RNLS: variants seen among roughly 807,000 people sequenced by gnomAD.
The protein encoded by RNLS is renalase.
A neutral mutation model predicts 39.8 loss-of-function variants in RNLS; 39 were observed. The ratio of observed to expected loss-of-function variants is 0.98; its 90% CI spans 0.76 to 1.28. The LOEUF (loss-of-function observed/expected upper bound fraction) is 1.28, where lower values mean the gene tolerates loss of function less well. Among genes scored for constraint, RNLS ranks in the 50% most tolerant of loss-of-function variants. The pLI, the probability that RNLS is intolerant of heterozygous loss-of-function variation, is 0.00. For missense variants in RNLS, 410 were observed against 413.3 expected, an observed-to-expected ratio of 0.99 and a Z score of 0.07; for synonymous variants, 147 against 150.7, an observed-to-expected ratio of 0.98 and a Z score of 0.18.
At position 88,416,400 on chromosome 10, in the gene RNLS, T is replaced by C. The variant is rs572385799; in HGVS notation, c.527-53675A>G. 5.3e-5 allele frequency among the ~76,000 whole-genome samples: 8 copies of C among 152,028 alleles called. No individual in the cohort carries two copies. In the South Asian group the frequency reaches 1.7e-3, roughly 32 times the overall value. On this transcript the variant is annotated intron_variant, in intron 4 of 6. Coordinates refer to ENST00000331772, the MANE Select transcript of RNLS (RefSeq NM_001031709.3). ...TCCTGAGTAGCTGGGATTACAGGCA[T>C]GTGCCAACACGCCCGGCTAATTTCG...
intron 4 of RNLS, among the ~76,000 whole-genome samples, chr10:88,567,793 C>A (rs907702203): frequency 6.6e-6 from 1 of 152,198 alleles, no homozygotes; most frequent in South Asian, 2.1e-4. Context: ...TTAACAGCAG[C>A]TATACCCTTC....
At chr10:88,263,241 A>G in the RNLS span, among the ~76,000 whole-genome samples, 2 of 152,164 alleles carry the variant, frequency 1.3e-5, no homozygotes, top group Admixed American at 6.6e-5. Flanking sequence ...CGAGAATTTG[A>G]GCAGGTAGGA....
At chr10:88,404,923 A>G (rs1853165629) in intron 4 of RNLS, among the ~76,000 whole-genome samples, 1 of 152,062 alleles carries the variant, frequency 6.6e-6, no homozygotes, top group South Asian at 2.1e-4. Context: ...AACTACAAAA[A>G]CAATTCTTCA....
At chr10:88,380,850 CT>C (rs1851430645) in intron 4 of RNLS, among the ~76,000 whole-genome samples, 1 of 152,040 alleles carries the variant, frequency 6.6e-6, no homozygotes, top group Non-Finnish European at 1.5e-5. Context: ...AAATCTAACT[CT>C]TTTTAGATGG....
chr10:88,285,299 A>G lies in RNLS; in HGVS notation c.*55T>C. 6.9e-7 allele frequency: 1 copy of G among 1,447,024 alleles called. No individual in the cohort carries two copies. The highest frequency in any genetic ancestry group is 1.6e-5 in the South Asian group (1 of 63,302). 89.6% of individuals were successfully genotyped at this position (1,447,024 alleles called of 1,614,324 possible). A position where few individuals can be genotyped will look rare whatever the true frequency, so the allele number is the denominator to read the frequency against. ...AATAGAAAACAAAATAATCAATAAC[A>G]GAAAATTGTGAAAATAAAAACCCAA... On this transcript the variant is annotated 3_prime_UTR_variant, in exon 7 of 7. Transcript: ENST00000331772.
intron 4 of RNLS, among the ~76,000 whole-genome samples, chr10:88,453,655 A>G (rs1355468866): frequency 3.3e-5 from 5 of 152,168 alleles, no homozygotes; most frequent in African/African-American, 1.2e-4. Context: ...CATGTGGAGA[A>G]ATTTGCTCCT....
chr10:88,271,373 G>A (rs1034506845), downstream of RNLS, among the ~76,000 whole-genome samples: 1 of 152,150 alleles, frequency 6.6e-6, no homozygotes, highest in Non-Finnish European at 1.5e-5. Context: ...AGTTCCTTCT[G>A]AGACATTTTT....
the RNLS span, among the ~76,000 whole-genome samples, chr10:88,217,871 C>A: frequency 1.3e-5 from 2 of 151,882 alleles, no homozygotes; most frequent in South Asian, 4.2e-4. Flanking sequence ...GAAAACCCAT[C>A]TCTACTAAAA....
At chr10:88,491,062 T>C (rs1844849810) in intron 4 of RNLS, among the ~76,000 whole-genome samples, 1 of 152,166 alleles carries the variant, frequency 6.6e-6, no homozygotes, top group Non-Finnish European at 1.5e-5. Context: ...AAAATGACTC[T>C]TGGTCATGGC....
At chr10:88,205,373 G>A in the RNLS span, among the ~76,000 whole-genome samples, 1 of 152,096 alleles carries the variant, frequency 6.6e-6, no homozygotes, top group East Asian at 1.9e-4. Flanking sequence ...GTTTGAGTGA[G>A]CCTCTCTGTG....
the RNLS span, among the ~76,000 whole-genome samples, chr10:88,258,339 A>G: frequency 6.6e-6 from 1 of 152,194 alleles, no homozygotes; most frequent in African/African-American, 2.4e-5. Context: ...TGTATTCTGG[A>G]TCCTATTAAA....
intron 4 of RNLS, among the ~76,000 whole-genome samples, chr10:88,410,314 A>G (rs1271530735): frequency 6.6e-6 from 1 of 152,144 alleles, no homozygotes; most frequent in Non-Finnish European, 1.5e-5. Context: ...TTTTTACCAT[A>G]TAATTGTTTT....
chr10:88,236,720 C>A, the RNLS span, among the ~76,000 whole-genome samples: 1 of 152,172 alleles, frequency 6.6e-6, no homozygotes, highest in African/African-American at 2.4e-5. Context: ...TGAACGCTTA[C>A]CATGTGCCAG....
the RNLS span, among the ~76,000 whole-genome samples, chr10:88,197,777 G>A: frequency 6.6e-6 from 1 of 152,154 alleles, no homozygotes. Context: ...GAGGAGATAG[G>A]AGTTTGCTCT....
intron 5 of RNLS, among the ~76,000 whole-genome samples, chr10:88,358,176 T>C (rs749294614): frequency 1.1e-3 from 175 of 152,338 alleles, no homozygotes; most frequent in Non-Finnish European, 2.0e-3. Context: ...TATTTTAACA[T>C]AAATTTTCTC....
intron 6 of RNLS, among the ~76,000 whole-genome samples, chr10:88,305,206 A>C (rs1275353298): frequency 1.3e-4 from 20 of 152,246 alleles, no homozygotes. Context: ...TGTAGGAAGC[A>C]CTAAATATGG....
intron 4 of RNLS, among the ~76,000 whole-genome samples, chr10:88,379,493 T>C (rs1214184672): frequency 1.3e-5 from 2 of 152,180 alleles, no homozygotes; most frequent in African/African-American, 4.8e-5. Flanking sequence ...TGAATGAACC[T>C]GGGAAGAATT....
chr10:88,301,476 C>T (rs1376205706), intron 6 of RNLS, among the ~76,000 whole-genome samples: 3 of 152,078 alleles, frequency 2.0e-5, no homozygotes, highest in Non-Finnish European at 2.9e-5. Flanking sequence ...TTTGGTTATC[C>T]GAAGGTCACT....
chr10:88,198,749 A>T, the RNLS span, among the ~76,000 whole-genome samples: 1 of 151,992 alleles, frequency 6.6e-6, no homozygotes, highest in Non-Finnish European at 1.5e-5. Context: ...CCATGATTCT[A>T]AGTTTTCTGA....
Sources: gnomAD v4.1 joint callset for allele counts (sites outside exome capture counted in the v4.1 genomes callset) on GRCh38, gnomAD v4.1.1 for gene constraint, MANE v1.5 for transcripts, NCBI Gene and HGNC (gene_info 2026-07-23, HGNC 2026-07-21) for gene names.